The following PITPNC1 variants were observed in gnomAD, a reference collection of about 807,000 sequenced individuals.
The protein encoded by PITPNC1 is phosphatidylinositol transfer protein cytoplasmic 1.
PITPNC1 carries 18 observed loss-of-function variants against 44.7 expected under a neutral mutation model. That is an observed-to-expected ratio of 0.40 (90% CI 0.28 to 0.60). The LOEUF (loss-of-function observed/expected upper bound fraction) is 0.60. PITPNC1 is among the 20% of genes least tolerant of loss of function. PITPNC1 has a pLI of 0.39. For missense variants in PITPNC1, 290 were observed against 418.4 expected (o/e 0.69, Z 2.68); for synonymous variants, 141 against 149.6 (o/e 0.94, Z 0.42).
In PITPNC1 at chr17:67,484,227, C is replaced by T. The variant is rs189206726; in HGVS notation, c.49-48575C>T. Among the ~76,000 whole-genome samples the T allele has an allele frequency of 2.0e-4, 30 of 151,402 alleles. 1 individual carries two copies. The East Asian group carries it at 5.4e-3, about 27-fold the overall frequency. On this transcript the variant is annotated intron_variant, in intron 1 of 8. Coordinates refer to ENST00000581322, the MANE Select transcript of PITPNC1 (RefSeq NM_012417.4). ...GCCTCCACACCCAGCCTGTTAATAA[C>T]GCTTTTCTTCATTCCATTTTCTTGC...
intron 1 of PITPNC1, among the ~76,000 whole-genome samples, chr17:67,480,549 C>G (rs139699307): frequency 3.9e-5 from 6 of 152,126 alleles, no homozygotes; most frequent in Admixed American, 1.3e-4. Flanking sequence ...TATTTTTGAT[C>G]TGGAAAAATG....
At chr17:67,576,630 G>A (rs982333579) in intron 4 of PITPNC1, among the ~76,000 whole-genome samples, 3 of 151,116 alleles carry the variant, frequency 2.0e-5, no homozygotes, top group Non-Finnish European at 4.4e-5. Context: ...GCTAGCTAGA[G>A]CGTGGTTACA....
At chr17:67,438,908 C>T (rs1473962426) in intron 1 of PITPNC1, among the ~76,000 whole-genome samples, 1 of 152,192 alleles carries the variant, frequency 6.6e-6, no homozygotes, top group Admixed American at 6.5e-5. Flanking sequence ...CTGCTTTGCT[C>T]CCATCCGTTT....
At chr17:67,622,381 C>CATATATAT (rs57000667) in intron 5 of PITPNC1, among the ~76,000 whole-genome samples, 1 of 147,902 alleles carries the variant, frequency 6.8e-6, no homozygotes, top group African/African-American at 2.5e-5. Context: ...ATTGTATATT[C>CATATATAT]ATATATATAT....
At position 67,617,174 on chromosome 17, in the gene PITPNC1, G is replaced by A. The variant is rs544370835; in HGVS notation, c.367-14969G>A. Among the ~76,000 whole-genome samples the A allele has an allele frequency of 2.6e-5, 4 of 152,306 alleles. No individual in the cohort carries two copies. The South Asian group carries it at 6.2e-4, about 24-fold the overall frequency. ...GCCAGCTTTTCTGGCTACAGGGACGGTCTTAATCTGGAGAATGGAAGAAAG... is the reference window on the plus strand; with the variant it reads ...GCCAGCTTTTCTGGCTACAGGGACGATCTTAATCTGGAGAATGGAAGAAAG... On this transcript the variant is annotated intron_variant, in intron 5 of 8. Coordinates refer to ENST00000581322, the MANE Select transcript of PITPNC1 (RefSeq NM_012417.4).
In PITPNC1 at chr17:67,692,702, G is replaced by T; in HGVS notation, c.813G>T (p.Ala271=). Residue 271 remains alanine, a synonymous_variant, in exon 9 of 9, where the codon GCG becomes GCT. Coordinates refer to ENST00000581322, the MANE Select transcript of PITPNC1 (RefSeq NM_012417.4). Reference sequence around the variant, plus strand: ...TGCTGCCTTCTTCCGTCCGCAGTGCGCCTTCTAGTGCTCCATCCACCCCTC... The same window carrying T: ...TGCTGCCTTCTTCCGTCCGCAGTGCTCCTTCTAGTGCTCCATCCACCCCTC... ...IPLLPSSVRS[A]PSSAPSTPLS... 10 of 1,613,720 alleles carry T rather than the reference G, an allele frequency of 6.2e-6. No individual in the cohort carries two copies. The highest frequency in any genetic ancestry group is 8.5e-6 in the Non-Finnish European group (10 of 1,179,776).
rs187193210 is a variant in PITPNC1 at position 67,541,087 on chromosome 17, C to T, written c.197+8137C>T. 1.6e-3 allele frequency among the ~76,000 whole-genome samples: 237 copies of T among 152,244 alleles called. 4 individuals are homozygous for T. The highest frequency in any genetic ancestry group is 4.8e-3 in the African/African-American group (201 of 41,528). ...AAAATTCGCCAGGAGCGGTGTCAGA[C>T]GCCTGTAATCCCAGCTACTCGGGAG... On this transcript the variant is annotated intron_variant, in intron 2 of 8. Coordinates refer to ENST00000581322, the MANE Select transcript of PITPNC1 (RefSeq NM_012417.4).
Position 67,647,464 on chromosome 17 carries a change from G to GTTTTTTTT in PITPNC1, c.462+15248_462+15255dup, listed in dbSNP as rs60407940. On this transcript the variant is annotated intron_variant, in intron 6 of 8. Coordinates refer to ENST00000581322, the MANE Select transcript of PITPNC1 (RefSeq NM_012417.4). ...CACCATCACACCCAGCTAATTTTGG[G>GTTTTTTTT]TTTTTTTTTTTTTTTTTTTTTTTTT... 9.4e-4 allele frequency among the ~76,000 whole-genome samples: 68 copies of GTTTTTTTT among 72,356 alleles called. 2 individuals are homozygous for GTTTTTTTT. Among genetic ancestry groups the GTTTTTTTT allele is most frequent in the African/African-American group, 2.4e-3 (54 of 22,268 alleles). 47.5% of individuals were successfully genotyped at this position (72,356 alleles called of 152,430 possible). A position where few individuals can be genotyped will look rare whatever the true frequency, so the allele number is the denominator to read the frequency against.
intron 1 of PITPNC1, among the ~76,000 whole-genome samples, chr17:67,413,803 C>T (rs2038546013): frequency 1.3e-5 from 2 of 152,144 alleles, no homozygotes; most frequent in East Asian, 3.8e-4. Context: ...GGGCAGTTTG[C>T]ATCCTAGAGG....
At chr17:67,520,105 C>T (rs79951726) in intron 1 of PITPNC1, among the ~76,000 whole-genome samples, 3,377 of 152,256 alleles carry the variant, frequency 0.022, 47 homozygotes, top group Non-Finnish European at 0.032. Context: ...AGTGGTACTG[C>T]GGCTTCCCTT....
intron 4 of PITPNC1, among the ~76,000 whole-genome samples, chr17:67,558,356 A>G (rs2040865487): frequency 6.6e-6 from 1 of 152,114 alleles, no homozygotes; most frequent in Non-Finnish European, 1.5e-5. Context: ...AGACCATTCA[A>G]CCAGTTCTTC....
intron 6 of PITPNC1, among the ~76,000 whole-genome samples, chr17:67,653,822 T>C (rs1323508886): frequency 6.6e-6 from 1 of 152,182 alleles, no homozygotes. Flanking sequence ...CTGCCCTGGC[T>C]TGGAAGATTA....
At chr17:67,484,225 A>G (rs1598729986) in intron 1 of PITPNC1, among the ~76,000 whole-genome samples, 2 of 151,210 alleles carry the variant, frequency 1.3e-5, no homozygotes, top group East Asian at 3.9e-4. Flanking sequence ...GCCTGTTAAT[A>G]ACGCTTTTCT....
At chr17:67,495,037 G>GT (rs2039925221) in intron 1 of PITPNC1, among the ~76,000 whole-genome samples, 101 of 79,400 alleles carry the variant, frequency 1.3e-3, no homozygotes, top group South Asian at 2.5e-3. Flanking sequence ...GAGCCATGGA[G>GT]TTGTTTTTTT....
At chr17:67,667,415 G>C (rs548762261) in intron 6 of PITPNC1, among the ~76,000 whole-genome samples, 1 of 147,368 alleles carries the variant, frequency 6.8e-6, no homozygotes, top group African/African-American at 2.5e-5. Context: ...TGTAGTCCCA[G>C]CTACTTGGGA....
intron 5 of PITPNC1, 32 bp downstream of exon 5, chr17:67,578,289 C>T: frequency 6.8e-7 from 1 of 1,460,196 alleles, no homozygotes; most frequent in Non-Finnish European, 9.6e-7. Context: ...GCTGCGCTCG[C>T]CTCGTGGGCT....
intron 1 of PITPNC1, among the ~76,000 whole-genome samples, chr17:67,484,101 A>G (rs2039742191): frequency 6.6e-6 from 1 of 151,990 alleles, no homozygotes; most frequent in African/African-American, 2.4e-5. Context: ...TATTTTTAGT[A>G]GAGACGGGGT....
intron 8 of PITPNC1, among the ~76,000 whole-genome samples, chr17:67,684,112 A>ATT (rs1343646140): frequency 1.7e-4 from 12 of 68,734 alleles, no homozygotes; most frequent in African/African-American, 4.1e-4. Context: ...CAAAATAACA[A>ATT]ATTTTTTTTT....
At chr17:67,664,932 C>T (rs1396689783) in intron 6 of PITPNC1, among the ~76,000 whole-genome samples, 2 of 151,008 alleles carry the variant, frequency 1.3e-5, no homozygotes, top group South Asian at 2.1e-4. Context: ...AAGAAGAAGA[C>T]TTTGTTTCTT....
Sources: gnomAD v4.1 joint callset for allele counts (sites outside exome capture counted in the v4.1 genomes callset) on GRCh38, gnomAD v4.1.1 for gene constraint, MANE v1.5 for transcripts, NCBI Gene and HGNC (gene_info 2026-07-23, HGNC 2026-07-21) for gene names.